AHCTF1: variants seen among roughly 807,000 people sequenced by gnomAD.
AHCTF1 encodes protein ELYS.
In AHCTF1, 24 loss-of-function variants were observed where a neutral mutation model predicts 248.4. The observed-to-expected ratio is 0.10, with a 90% confidence interval of 0.07 to 0.14. The LOEUF (loss-of-function observed/expected upper bound fraction) is 0.14. Among genes scored for constraint, AHCTF1 ranks in the 10% least tolerant of loss-of-function variants. AHCTF1 has a pLI of 1.00. For missense variants in AHCTF1, 2,206 were observed against 2,636.2 expected, an observed-to-expected ratio of 0.84 and a Z score of 3.57; for synonymous variants, 786 against 929.8, an observed-to-expected ratio of 0.85 and a Z score of 2.81.
chr1:246,927,374 G>A (rs1010939822), intron 1 of AHCTF1, among the ~76,000 whole-genome samples: 2 of 152,050 alleles, frequency 1.3e-5, no homozygotes, highest in Non-Finnish European at 2.9e-5. Context: ...TTGTCATCCC[G>A]ACTACTTGGG....
rs1661615159 is a variant in AHCTF1, at chr1:246,862,227, T to C, written c.3541-74A>G. 4 of 1,158,092 alleles carry C rather than the reference T, an allele frequency of 3.5e-6. No individual in the cohort carries two copies. In the South Asian group the frequency reaches 7.1e-5, roughly 21 times the overall value. The allele number at this position is 1,158,092 out of a possible 1,614,324, so 71.7% of individuals were successfully genotyped here. On this transcript the variant is annotated intron_variant, in intron 27 of 35. Coordinates refer to ENST00000648844, the MANE Select transcript of AHCTF1 (RefSeq NM_001323342.2). Reference sequence around the variant, plus strand: ...CGGGCGCGGTGGCTCACGCCTGTAATCCCTGCACTTTGGGAGGCAGAGGCA... The same window carrying C: ...CGGGCGCGGTGGCTCACGCCTGTAACCCCTGCACTTTGGGAGGCAGAGGCA...
intron 24 of AHCTF1, among the ~76,000 whole-genome samples, chr1:246,869,280 A>G (rs527685517): frequency 4.8e-4 from 73 of 151,928 alleles, no homozygotes; most frequent in Admixed American, 1.4e-3. Flanking sequence ...TTCCCCGAGG[A>G]CCTCCCTTAT....
chr1:246,861,627 C>T (rs1661557463), intron 28 of AHCTF1, among the ~76,000 whole-genome samples: 2 of 152,082 alleles, frequency 1.3e-5, no homozygotes, highest in Admixed American at 6.6e-5. Context: ...AGAAACAACA[C>T]AATATAAGGT....
intron 21 of AHCTF1, among the ~76,000 whole-genome samples, chr1:246,880,114 A>G (rs1453750218): frequency 2.0e-5 from 3 of 152,216 alleles, no homozygotes; most frequent in Non-Finnish European, 2.9e-5. Context: ...TATTCACACT[A>G]CTGGGTACTA....
chr1:246,867,901 CCACACACACA>C, intron 24 of AHCTF1, 90 bp from the exon 25 acceptor site: 1 of 313,442 alleles, frequency 3.2e-6, no homozygotes. Flanking sequence ...ACCCCCCCCC[CCACACACACA>C]CACACACACA....
At chr1:246,870,388 A>AC (rs1218581482) in intron 24 of AHCTF1, among the ~76,000 whole-genome samples, 2 of 152,214 alleles carry the variant, frequency 1.3e-5, no homozygotes, top group African/African-American at 2.4e-5. Flanking sequence ...ATACCACTGT[A>AC]CTAGAGCATC....
rs1351126172 is a variant in AHCTF1, at chr1:246,861,977, G to A, written c.3717C>T (p.His1239=). The change falls in exon 28 of 36, where the codon CAC becomes CAT. Residue 1239 remains histidine, a synonymous_variant. Coordinates refer to ENST00000648844, the MANE Select transcript of AHCTF1 (RefSeq NM_001323342.2). ...AACTTACCCCAGGAATCCATTTTGG[G>A]TGGACATCTTCTTCCACAAATGAAA... The part of the protein sequence containing the change: ...TRISFVEEDV[H]PKWIPGAADD... The A allele has an allele frequency of 7.4e-6, 12 of 1,611,196 alleles. No homozygotes were observed. The highest frequency in any genetic ancestry group is 5.3e-5 in the African/African-American group (4 of 74,906).
At chr1:246,905,716 C>T in intron 5 of AHCTF1, 59 bp from the exon 6 acceptor site, 20 of 1,381,178 alleles carry the variant, frequency 1.4e-5, no homozygotes, top group Non-Finnish European at 1.9e-5. Flanking sequence ...GAAAAAGGTA[C>T]ATCATGTAAG....
chr1:246,875,957 T>G, intron 24 of AHCTF1, 80 bp downstream of exon 24: 1 of 1,356,522 alleles, frequency 7.4e-7, no homozygotes, highest in Non-Finnish European at 9.9e-7. Context: ...GTAGCTAAAT[T>G]TAAGGTGGTT....
chr1:246,898,246 G>A lies in AHCTF1; in HGVS notation c.1585C>T (p.Pro529Ser), dbSNP rs765024399. The change falls in exon 12 of 36, where the codon CCA becomes TCA. Residue 529 changes from proline (P) to serine (S), a missense_variant. Transcript: ENST00000648844. ...NRCLVAGLLS[P>S]RFVDVQPSSL... ...GAAGGCTGAACATCAACAAATCTTG[G>A]GGAAAGAAGGCCAGCTACAAGACAT... 2.8e-5 allele frequency: 45 copies of A among 1,612,164 alleles called. No individual in the cohort carries two copies. Among genetic ancestry groups the A allele is most frequent in the Non-Finnish European group, 3.6e-5 (43 of 1,179,984 alleles).
chr1:246,881,133 T>TA (rs1309400664), intron 21 of AHCTF1, among the ~76,000 whole-genome samples: 3 of 152,088 alleles, frequency 2.0e-5, no homozygotes, highest in African/African-American at 7.2e-5. Context: ...TGGAGTAAAG[T>TA]AAAAAGACTG....
intron 2 of AHCTF1, among the ~76,000 whole-genome samples, chr1:246,917,685 T>A (rs985606441): frequency 6.6e-6 from 1 of 152,222 alleles, no homozygotes; most frequent in African/African-American, 2.4e-5. Context: ...GCTCTCTGCC[T>A]GCTGGGAAGA....
In AHCTF1 at chr1:246,898,271, T is replaced by C. The variant is rs1183133010; in HGVS notation, c.1560A>G (p.Arg520=). 6.2e-7 allele frequency: 1 copy of C among 1,612,720 alleles called. No individual in the cohort carries two copies. Among genetic ancestry groups the C allele is most frequent in the Middle Eastern group, 2.0e-4 (1 of 4,946 alleles). The change falls in exon 12 of 36, where the codon CGA becomes CGG. Residue 520 remains arginine (R), a synonymous_variant. Transcript: ENST00000648844. ...LNELIPDGYN[R]CLVAGLLSPR... ...GGGAAAGAAGGCCAGCTACAAGACA[T>C]CGATTATAACCATCAGGAATGAGTT...
At chr1:246,920,643 G>A (rs367799840) in intron 1 of AHCTF1, among the ~76,000 whole-genome samples, 29 of 151,978 alleles carry the variant, frequency 1.9e-4, no homozygotes, top group South Asian at 6.2e-4. Flanking sequence ...GGTGGCGGGC[G>A]CCTGTAGTTC....
At chr1:246,927,784 C>A (rs1667046388) in intron 1 of AHCTF1, among the ~76,000 whole-genome samples, 4 of 152,140 alleles carry the variant, frequency 2.6e-5, no homozygotes, top group African/African-American at 7.2e-5. Context: ...GCTGGCGGAT[C>A]ACAAGGTCAA....
At chr1:246,913,122 A>G (rs1348672564) in intron 4 of AHCTF1, 110 bp downstream of exon 4, 5 of 830,590 alleles carry the variant, frequency 6.0e-6, no homozygotes, top group Admixed American at 3.3e-5. Context: ...AGATAGGAAG[A>G]TATCTTTTAT....
chr1:246,885,410 G>T (rs1663745021), intron 21 of AHCTF1, 83 bp downstream of exon 21: 4 of 1,194,284 alleles, frequency 3.3e-6, no homozygotes, highest in Non-Finnish European at 4.6e-6. Context: ...ACGGCCAATT[G>T]TATATTGCCA....
At position 246,916,165 on chromosome 1, in the gene AHCTF1, T is replaced by C. The variant is rs749085095; in HGVS notation, c.352A>G (p.Lys118Glu). The C allele has an allele frequency of 6.2e-7, 1 of 1,613,084 alleles. No homozygotes were observed. The highest frequency in any genetic ancestry group is 1.7e-4 in the Middle Eastern group (1 of 6,054). Residue 118 changes from lysine (K) to glutamate (E), a missense_variant, in exon 3 of 36, where the codon AAA becomes GAA. Lys to Glu is a moderately conservative substitution (Grantham distance 56). Transcript: ENST00000648844. The part of the protein sequence containing the change: ...LYDLGISKVV[K>E]AVVLPGRVTA... Reference sequence around the variant, plus strand: ...ACCCTTCCAGGAAGAACAACTGCTTTAACTACTTTTGATATTCCAAGGTCA... The same window carrying C: ...ACCCTTCCAGGAAGAACAACTGCTTCAACTACTTTTGATATTCCAAGGTCA...
chr1:246,914,574 G>A (rs1666016451), intron 3 of AHCTF1, among the ~76,000 whole-genome samples: 1 of 152,028 alleles, frequency 6.6e-6, no homozygotes. Flanking sequence ...TCCTCAGTGA[G>A]GAGTAGCGAA....
Sources: gnomAD v4.1 joint callset for allele counts (sites outside exome capture counted in the v4.1 genomes callset) on GRCh38, gnomAD v4.1.1 for gene constraint, MANE v1.5 for transcripts, NCBI Gene and HGNC (gene_info 2026-07-23, HGNC 2026-07-21) for gene names.